Variants in ITPR2 observed in about 807,000 individuals in gnomAD.
ITPR2 encodes inositol 1,4,5-trisphosphate receptor type 2.
In ITPR2, 207 loss-of-function variants were observed where a neutral mutation model predicts 317.1. The observed-to-expected ratio is 0.65, with a 90% CI of 0.58 to 0.73. The LOEUF is 0.73. ITPR2 is among the 30% of genes least tolerant of loss of function. The pLI is 0.00. For synonymous variants in ITPR2, 1,156 were observed against 1,149.1 expected (o/e 1.01, Z -0.12); for missense variants, 2,613 against 3,284.0 (o/e 0.80, Z 4.99).
At chr12:26,669,984 C>T (rs1437189581) in intron 13 of ITPR2, among the ~76,000 whole-genome samples, 1 of 152,184 alleles carries the variant, frequency 6.6e-6, no homozygotes, top group Non-Finnish European at 1.5e-5. Flanking sequence ...AAGGCGGCAG[C>T]GAGGCTGGGG....
chr12:26,438,246 T>C (rs1413968013), intron 47 of ITPR2, among the ~76,000 whole-genome samples: 2 of 152,136 alleles, frequency 1.3e-5, no homozygotes. Context: ...AAGCATTCTG[T>C]TTTAAAAGCC....
Position 26,820,227 on chromosome 12 carries a change from C to A in ITPR2, c.92+12463G>T, listed in dbSNP as rs1950918897. Among the ~76,000 whole-genome samples, 4 of 152,100 alleles carry A rather than the reference C, an allele frequency of 2.6e-5. No homozygotes were observed. The South Asian group carries it at 6.2e-4, about 24-fold the overall frequency. On this transcript the variant is annotated intron_variant, in intron 1 of 56. Transcript: ENST00000381340. Reference sequence around the variant, plus strand: ...CCATAAACCCAGTGACAACTCCCATCCATTTTAAAAGAATTGCCCATGGAT... The same window carrying A: ...CCATAAACCCAGTGACAACTCCCATACATTTTAAAAGAATTGCCCATGGAT...
chr12:26,437,344 C>T (rs1941379825), intron 47 of ITPR2, among the ~76,000 whole-genome samples: 2 of 152,190 alleles, frequency 1.3e-5, no homozygotes, highest in Non-Finnish European at 2.9e-5. Context: ...GTGCCTATTG[C>T]CTACTTACAA....
At chr12:26,724,410 T>C (rs1451809325) in intron 4 of ITPR2, among the ~76,000 whole-genome samples, 2 of 152,214 alleles carry the variant, frequency 1.3e-5, no homozygotes, top group African/African-American at 4.8e-5. Context: ...TTCTTTTTGA[T>C]GTAATAACTT....
chr12:26,411,279 A>G lies in ITPR2; in HGVS notation c.7399+41T>C. ...TAATATTTACTAAATAAAACTTCAA[A>G]GATATCAAGTTCATACTGACCCAGA... On this transcript the variant is annotated intron_variant, in intron 52 of 56. Transcript: ENST00000381340. 2 of 1,324,056 alleles carry G rather than the reference A, an allele frequency of 1.5e-6. 1 individual carries two copies. Among genetic ancestry groups the G allele is most frequent in the East Asian group, 4.6e-5 (2 of 43,368 alleles). 82.0% of individuals were successfully genotyped at this position (1,324,056 alleles called of 1,614,324 possible).
intron 37 of ITPR2, among the ~76,000 whole-genome samples, chr12:26,516,453 A>G (rs1943521709): frequency 6.6e-6 from 1 of 152,092 alleles, no homozygotes; most frequent in African/African-American, 2.4e-5. Flanking sequence ...AGCAGAAAAG[A>G]AAAGGGCTTT....
chr12:26,365,987 G>T (rs1938996018), intron 55 of ITPR2, among the ~76,000 whole-genome samples: 1 of 151,978 alleles, frequency 6.6e-6, no homozygotes, highest in South Asian at 2.1e-4. Context: ...CTTTAAAAAG[G>T]CACCAGAAGA....
rs555172651 is a variant in ITPR2, at chr12:26,356,518, C to A, written c.7858-16190G>T. 1.1e-4 allele frequency among the ~76,000 whole-genome samples: 16 copies of A among 152,254 alleles called. No individual in the cohort carries two copies. In the South Asian group the frequency reaches 3.3e-3, roughly 32 times the overall value. ...ATCATAATTATAAGATGCGTAGACACAAAAGGCACAAGGTGTTGGTGAACA... is the reference window on the plus strand; with the variant it reads ...ATCATAATTATAAGATGCGTAGACAAAAAAGGCACAAGGTGTTGGTGAACA... On this transcript the variant is annotated intron_variant, in intron 55 of 56. Transcript: ENST00000381340.
intron 2 of ITPR2, among the ~76,000 whole-genome samples, chr12:26,726,552 A>G (rs1948927806): frequency 6.6e-6 from 1 of 152,204 alleles, no homozygotes; most frequent in African/African-American, 2.4e-5. Flanking sequence ...AGTAATACAG[A>G]AAATTCAAAC....
rs556468311 is a variant in ITPR2 at position 26,652,441 on chromosome 12, T to C, written c.2740+1535A>G. Among the ~76,000 whole-genome samples, 7 of 152,368 alleles carry C rather than the reference T, an allele frequency of 4.6e-5. No homozygotes were observed. In the South Asian group the frequency reaches 1.4e-3, roughly 32 times the overall value. ...TTTATAATTCTTAACTAGGTATTTC[T>C]TCTTTATGTCTGAAATTAGGTTTCT... On this transcript the variant is annotated intron_variant, in intron 21 of 56. Coordinates refer to ENST00000381340, the MANE Select transcript of ITPR2 (RefSeq NM_002223.4).
intron 10 of ITPR2, among the ~76,000 whole-genome samples, chr12:26,688,742 A>T (rs1201835491): frequency 6.6e-6 from 1 of 152,112 alleles, no homozygotes; most frequent in African/African-American, 2.4e-5. Flanking sequence ...CACTCCTCTA[A>T]GAGTAAATAA....
At chr12:26,446,037 G>C (rs1214525492) in intron 45 of ITPR2, among the ~76,000 whole-genome samples, 1 of 152,090 alleles carries the variant, frequency 6.6e-6, no homozygotes, top group African/African-American at 2.4e-5. Context: ...ACAGATTCAG[G>C]AGGTTGGGTG....
At chr12:26,654,230 C>A (rs1947326024) in intron 20 of ITPR2, 104 bp from the exon 21 acceptor site, 2 of 885,206 alleles carry the variant, frequency 2.3e-6, no homozygotes, top group Admixed American at 3.1e-5. Context: ...ATTAGCACAG[C>A]AATTTCTAAA....
intron 32 of ITPR2, among the ~76,000 whole-genome samples, chr12:26,594,345 T>C (rs1334992008): frequency 1.3e-5 from 2 of 151,912 alleles, no homozygotes; most frequent in African/African-American, 4.8e-5. Context: ...CATTGTATTA[T>C]CCAAGGGTGC....
chr12:26,375,968 G>A (rs138911532), intron 55 of ITPR2, among the ~76,000 whole-genome samples: 10 of 152,284 alleles, frequency 6.6e-5, no homozygotes, highest in South Asian at 2.1e-4. Flanking sequence ...GCATGGTGGC[G>A]TGTGCCTGTA....
rs1251614133 is a variant in ITPR2 at position 26,831,967 on chromosome 12, T to G, written c.92+723A>C. Among the ~76,000 whole-genome samples, 1 of 151,508 alleles carries G rather than the reference T, an allele frequency of 6.6e-6. No individual in the cohort carries two copies. The highest frequency in any genetic ancestry group is 1.5e-5 in the Non-Finnish European group (1 of 67,956). ...CATTCAACTCGAATCTCAAGAACTC[T>G]TCACTTGGCTAAATTCCAAGAGAGG... On this transcript the variant is annotated intron_variant, in intron 1 of 56. Coordinates refer to ENST00000381340, the MANE Select transcript of ITPR2 (RefSeq NM_002223.4). The surrounding 1 kb of genome is among the most constrained non-coding windows in gnomAD (Gnocchi z 4.9).
At chr12:26,617,166 TAC>T (rs1264014777) in intron 26 of ITPR2, among the ~76,000 whole-genome samples, 3 of 151,890 alleles carry the variant, frequency 2.0e-5, no homozygotes, top group Non-Finnish European at 4.4e-5. Context: ...GGGTAAACTG[TAC>T]ATAAAACTCT....
At chr12:26,416,043 TA>T (rs2136679844) in intron 50 of ITPR2, among the ~76,000 whole-genome samples, 2 of 152,258 alleles carry the variant, frequency 1.3e-5, no homozygotes, top group East Asian at 3.9e-4. Context: ...AAGTATGAAA[TA>T]TAAAACTATT....
At chr12:26,528,869 C>T (rs1240326585) in intron 37 of ITPR2, among the ~76,000 whole-genome samples, 1 of 152,198 alleles carries the variant, frequency 6.6e-6, no homozygotes, top group Non-Finnish European at 1.5e-5. Context: ...TTCATCTTCC[C>T]CTTTACAACA....
Sources: gnomAD v4.1 joint callset for allele counts (sites outside exome capture counted in the v4.1 genomes callset) on GRCh38, gnomAD v4.1.1 for gene constraint, Gnocchi (gnomAD v3.1) non-coding constraint, MANE v1.5 for transcripts, NCBI Gene and HGNC (gene_info 2026-07-23, HGNC 2026-07-21) for gene names.